Variants in UGT3A1 observed in about 807,000 individuals in gnomAD.
UGT3A1 encodes the protein UDP glycosyltransferase family 3 member A1.
In UGT3A1, 40 loss-of-function variants were observed where a neutral mutation model predicts 37.6. The ratio of observed to expected loss-of-function variants is 1.06; its 90% CI spans 0.83 to 1.38. The LOEUF (loss-of-function observed/expected upper bound fraction) is 1.38, where lower values mean the gene tolerates loss of function less well. Ranked by LOEUF, UGT3A1 falls within the 40% of genes most tolerant of loss-of-function variation. UGT3A1 has a pLI of 0.00. For missense variants in UGT3A1, 642 were observed against 634.2 expected, an observed-to-expected ratio of 1.01 and a Z score of -0.13; for synonymous variants, 256 against 232.3, an observed-to-expected ratio of 1.10 and a Z score of -0.93.
At chr5:35,998,796 AATTG>A (rs964280374) in intron 1 of UGT3A1, among the ~76,000 whole-genome samples, 139 of 152,264 alleles carry the variant, frequency 9.1e-4, no homozygotes, top group African/African-American at 3.2e-3. Context: ...GGAGTTGCCA[AATTG>A]ATTGCCCTAA....
intron 2 of UGT3A1, among the ~76,000 whole-genome samples, chr5:35,985,079 T>TTAAAAA (rs1554074567): frequency 8.6e-6 from 1 of 116,026 alleles, no homozygotes; most frequent in African/African-American, 3.2e-5. Flanking sequence ...ACATAAAATA[T>TTAAAAA]AAAAAAAAAA....
chr5:35,981,653 G>C (rs1740528224), intron 2 of UGT3A1, among the ~76,000 whole-genome samples: 1 of 152,184 alleles, frequency 6.6e-6, no homozygotes, highest in African/African-American at 2.4e-5. Context: ...ATATTTCACT[G>C]GGAAATATAG....
intron 1 of UGT3A1, among the ~76,000 whole-genome samples, chr5:35,998,290 T>C (rs535080370): frequency 2.3e-4 from 35 of 152,344 alleles, no homozygotes; most frequent in African/African-American, 8.2e-4. Flanking sequence ...CTATTGGCAA[T>C]TGTAGCCAAC....
Position 35,954,042 on chromosome 5 carries a change from G to A in UGT3A1, c.*160C>T, listed in dbSNP as rs1042362907. The A allele has an allele frequency of 6.1e-5, 48 of 791,672 alleles. No individual in the cohort carries two copies. Among genetic ancestry groups the A allele is most frequent in the Non-Finnish European group, 5.9e-5 (30 of 511,000 alleles). The allele number at this position is 791,672 out of a possible 1,614,324, so 49.0% of individuals were successfully genotyped here. A position where few individuals can be genotyped will look rare whatever the true frequency, so the allele number is the denominator to read the frequency against. On this transcript the variant is annotated 3_prime_UTR_variant, in exon 7 of 7. Coordinates refer to ENST00000274278, the MANE Select transcript of UGT3A1 (RefSeq NM_152404.4). ...GCAAGTCAAGAAGCCTCAGTGGTGC[G>A]TGAAGATTTCTAAACAGAGGCAGAG...
chr5:35,991,011 C>G, intron 1 of UGT3A1, 136 bp downstream of exon 1: 1 of 1,590,244 alleles, frequency 6.3e-7, no homozygotes, highest in Non-Finnish European at 8.6e-7. Context: ...ATGGGCTTCT[C>G]CCTCCTCCAG....
At chr5:35,980,505 AGAG>A (rs1279769903) in intron 2 of UGT3A1, among the ~76,000 whole-genome samples, 9 of 152,246 alleles carry the variant, frequency 5.9e-5, no homozygotes, top group Non-Finnish European at 1.2e-4. Context: ...GGGATCTTCC[AGAG>A]AACAGCTCAG....
intron 2 of UGT3A1, among the ~76,000 whole-genome samples, chr5:35,996,620 T>C (rs911145267): frequency 5.3e-5 from 8 of 152,202 alleles, no homozygotes; most frequent in Admixed American, 1.3e-4. Context: ...TCAACATCCA[T>C]AATGCCCATA....
intron 1 of UGT3A1, among the ~76,000 whole-genome samples, chr5:35,999,903 T>C (rs79724886): frequency 0.052 from 7,958 of 152,284 alleles, 723 homozygotes; most frequent in African/African-American, 0.18. Context: ...GTAACAGCTA[T>C]GGCAGCTGGA....
At chr5:35,976,230 TA>T (rs1561466231) in intron 2 of UGT3A1, among the ~76,000 whole-genome samples, 2 of 152,204 alleles carry the variant, frequency 1.3e-5, no homozygotes, top group Non-Finnish European at 2.9e-5. Flanking sequence ...AGAAAGAAGT[TA>T]CTGTACTGAT....
rs1739213614 is a variant in UGT3A1 at position 35,952,284 on chromosome 5, G to A, written c.*1918C>T. The A allele has an allele frequency of 6.6e-6, 1 of 152,188 alleles. No individual in the cohort carries two copies. The highest frequency in any genetic ancestry group is 2.1e-4 in the South Asian group (1 of 4,826). The allele number at this position is 152,188 out of a possible 1,614,324, so 9.4% of individuals were successfully genotyped here. A position where few individuals can be genotyped will look rare whatever the true frequency, so the allele number is the denominator to read the frequency against. ...AGCGAACATTTGGAAAAGAGTGGGAGGAGAACTGCTCCAGGTGTGCCTAGA... is the reference window on the plus strand; with the variant it reads ...AGCGAACATTTGGAAAAGAGTGGGAAGAGAACTGCTCCAGGTGTGCCTAGA... On this transcript the variant is annotated 3_prime_UTR_variant, in exon 7 of 7. Transcript: ENST00000274278.
At position 35,952,002 on chromosome 5, in the gene UGT3A1, T is replaced by C. The variant is rs1471858022; in HGVS notation, c.*2200A>G. ...GTCCCTGTCTTTATGACCTTATGGT[T>C]TCTAAATAGGAAACAGATATTGTAA... On this transcript the variant is annotated 3_prime_UTR_variant, in exon 7 of 7. Transcript: ENST00000274278. 4 of 152,190 alleles carry C rather than the reference T, an allele frequency of 2.6e-5. No individual in the cohort carries two copies. The highest frequency in any genetic ancestry group is 9.7e-5 in the African/African-American group (4 of 41,444). 9.4% of individuals were successfully genotyped at this position (152,190 alleles called of 1,614,324 possible).
intron 1 of UGT3A1, among the ~76,000 whole-genome samples, chr5:35,998,104 T>C (rs1451372875): frequency 2.0e-5 from 3 of 152,142 alleles, no homozygotes; most frequent in African/African-American, 7.2e-5. Context: ...AACAACCTGA[T>C]CCCATCATGT....
rs10045685 is a variant in UGT3A1, at chr5:35,953,595, A to G, written c.*607T>C. ...TTTATAAGACGGGAATCTTAAGAAG[A>G]CAACTGTAAAAACTGAAATAAAGCA... On this transcript the variant is annotated 3_prime_UTR_variant, in exon 7 of 7. Coordinates refer to ENST00000274278, the MANE Select transcript of UGT3A1 (RefSeq NM_152404.4). The G allele has an allele frequency of 0.44, 67,283 of 152,210 alleles. 15,331 individuals carry two copies. The highest frequency in any genetic ancestry group is 0.77 in the East Asian group (4,067 of 5,312). 9.4% of individuals were successfully genotyped at this position (152,210 alleles called of 1,614,324 possible).
chr5:35,957,290 G>A lies in UGT3A1; in HGVS notation c.973C>T (p.Gln325Ter), dbSNP rs753596965. Residue 325 changes from glutamine (Q) to a stop codon, truncating the protein, a stop_gained, in exon 5 of 7, where the codon CAA becomes TAA. Transcript: ENST00000274278. LOFTEE classifies it high-confidence loss of function. ...KMHNAFAHLP[Q>*]GVIWTCQSSH... is the part of the protein sequence containing the mutation. The stretch of plus-strand genomic sequence containing the variant: ...CTCTGACATGTCCATATCACTCCTT[G>A]AGGGAGGTGGGCAAAGGCATTGTGC... The A allele has an allele frequency of 1.9e-6, 3 of 1,614,044 alleles. No homozygotes were observed. In the South Asian group the frequency reaches 3.3e-5, roughly 18 times the overall value.
rs531432966 is a variant in UGT3A1, at chr5:35,953,726, T to C, written c.*476A>G. ...GCAAAGGTCTTGGCAGGGGTTCTCCTTCCCTAAATGCAGGAGAGCAGACCA... is the reference window on the plus strand; with the variant it reads ...GCAAAGGTCTTGGCAGGGGTTCTCCCTCCCTAAATGCAGGAGAGCAGACCA... On this transcript the variant is annotated 3_prime_UTR_variant, in exon 7 of 7. Transcript: ENST00000274278. 53 of 158,068 alleles carry C rather than the reference T, an allele frequency of 3.4e-4. No homozygotes were observed. Among genetic ancestry groups the C allele is most frequent in the African/African-American group, 1.2e-3 (52 of 41,630 alleles). 9.8% of individuals were successfully genotyped at this position (158,068 alleles called of 1,614,324 possible).
chr5:35,993,107 T>G (rs1036771974), upstream of UGT3A1, among the ~76,000 whole-genome samples: 1 of 152,188 alleles, frequency 6.6e-6, no homozygotes, highest in Non-Finnish European at 1.5e-5. Context: ...TGTTATCTTA[T>G]GTAAAAATGC....
chr5:35,954,284 A>G lies in UGT3A1; in HGVS notation c.1490T>C (p.Leu497Pro). 1 of 1,614,178 alleles carries G rather than the reference A, an allele frequency of 6.2e-7. No individual in the cohort carries two copies. The highest frequency in any genetic ancestry group is 8.5e-7 in the Non-Finnish European group (1 of 1,180,022). The stretch of plus-strand genomic sequence containing the variant: ...CTTCCCACAAAGCCACATAGTGCCC[A>G]GAGTGAGCCCCAGCAGAAACACAAA... ...DVFVFLLGLT[L>P]GTMWLCGKLL... The change falls in exon 7 of 7, where the codon CTG (leucine) becomes CCG (proline). Residue 497 changes from leucine (L) to proline (P), a missense_variant. By Grantham distance (98) the Leu-to-Pro change is moderately conservative (BLOSUM62 -3). Transcript: ENST00000274278.
intron 6 of UGT3A1, chr5:35,955,434 C>G (rs1382347): frequency 0.12 from 74,455 of 626,648 alleles, 4,725 homozygotes; most frequent in South Asian, 0.15. Context: ...GCCATCACAG[C>G]CTTAAGGTAG....
At chr5:35,961,881 C>T (rs1739601827) in intron 4 of UGT3A1, 1 of 152,198 alleles carries the variant, frequency 6.6e-6, no homozygotes, top group African/African-American at 2.4e-5. Flanking sequence ...CTCTTAGCCT[C>T]TCCAAGAAGG....
Sources: allele counts gnomAD v4.1 joint callset (sites outside exome capture counted in the v4.1 genomes callset), GRCh38; gene constraint gnomAD v4.1.1; transcripts MANE v1.5; gene names NCBI Gene and HGNC (gene_info 2026-07-23, HGNC 2026-07-21).